The following SPAG16 variants were observed in gnomAD, a reference collection of about 807,000 sequenced individuals.
SPAG16 encodes sperm-associated antigen 16 protein.
A neutral mutation model predicts 80.4 loss-of-function variants in SPAG16; 86 were observed. The ratio of observed to expected loss-of-function variants is 1.07; its 90% CI spans 0.90 to 1.28. The LOEUF (loss-of-function observed/expected upper bound fraction) is 1.28, where lower values mean the gene tolerates loss of function less well. Among genes scored for constraint, SPAG16 ranks in the 50% most tolerant of loss-of-function variants. The pLI is 0.00. For synonymous variants in SPAG16, 294 were observed against 265.9 expected, an observed-to-expected ratio of 1.11 and a Z score of -1.03; for missense variants, 870 against 765.3, an observed-to-expected ratio of 1.14 and a Z score of -1.61.
intron 10 of SPAG16, among the ~76,000 whole-genome samples, chr2:213,538,824 T>TA (rs1413360049): frequency 9.5e-6 from 1 of 105,590 alleles, no homozygotes; most frequent in Non-Finnish European, 2.7e-5. Context: ...CGTATCTATT[T>TA]ATCTATTTAT....
At chr2:214,224,428 T>C (rs1386942262) in intron 15 of SPAG16, among the ~76,000 whole-genome samples, 1 of 152,202 alleles carries the variant, frequency 6.6e-6, no homozygotes, top group Non-Finnish European at 1.5e-5. Context: ...TTCTTCAGTA[T>C]GTGCAAATAC....
chr2:213,600,401 A>G (rs749890650), intron 10 of SPAG16, among the ~76,000 whole-genome samples: 2 of 152,228 alleles, frequency 1.3e-5, no homozygotes, highest in Admixed American at 6.5e-5. Context: ...GTTCAAAATC[A>G]TCAATTTTAG....
chr2:213,690,957 A>T (rs1057334104), intron 10 of SPAG16, among the ~76,000 whole-genome samples: 2 of 152,112 alleles, frequency 1.3e-5, no homozygotes, highest in African/African-American at 4.8e-5. Context: ...AGATACAGAT[A>T]TAGATATAGA....
At chr2:214,190,968 G>A (rs2057642902) in intron 15 of SPAG16, among the ~76,000 whole-genome samples, 2 of 152,146 alleles carry the variant, frequency 1.3e-5, no homozygotes, top group South Asian at 4.1e-4. Context: ...AAAGCTTGTA[G>A]CGACAGGTTT....
At chr2:214,385,456 G>A (rs1700696272) in intron 15 of SPAG16, among the ~76,000 whole-genome samples, 1 of 152,118 alleles carries the variant, frequency 6.6e-6, no homozygotes, top group South Asian at 2.1e-4. Context: ...CTACCACCAA[G>A]GCATTCTGAC....
At chr2:213,344,221 G>A (rs936530517) in intron 6 of SPAG16, among the ~76,000 whole-genome samples, 1 of 152,066 alleles carries the variant, frequency 6.6e-6, no homozygotes, top group Non-Finnish European at 1.5e-5. Context: ...GAAAAATTGA[G>A]GCTATTTATA....
At chr2:213,836,179 C>G (rs193299979) in intron 10 of SPAG16, among the ~76,000 whole-genome samples, 1 of 135,384 alleles carries the variant, frequency 7.4e-6, no homozygotes, top group Admixed American at 7.4e-5. Context: ...ATTATTCGCC[C>G]CCCCCCCCAT....
chr2:213,918,010 G>A (rs966785794), intron 11 of SPAG16, among the ~76,000 whole-genome samples: 1 of 152,078 alleles, frequency 6.6e-6, no homozygotes, highest in Admixed American at 6.6e-5. Context: ...AGACTTTTCT[G>A]CATCTATTGA....
At chr2:214,266,392 C>A (rs1691571321) in intron 15 of SPAG16, among the ~76,000 whole-genome samples, 1 of 151,758 alleles carries the variant, frequency 6.6e-6, no homozygotes, top group Non-Finnish European at 1.5e-5. Context: ...AATAGATAGA[C>A]TTTATTTTTG....
intron 10 of SPAG16, among the ~76,000 whole-genome samples, chr2:213,565,311 C>G (rs531853578): frequency 6.6e-6 from 1 of 152,276 alleles, no homozygotes; most frequent in Middle Eastern, 3.4e-3. Context: ...CTTCAGGGTT[C>G]TTATATTCCA....
intron 9 of SPAG16, among the ~76,000 whole-genome samples, chr2:213,449,991 T>A (rs1011773829): frequency 6.6e-6 from 1 of 152,188 alleles, no homozygotes; most frequent in Admixed American, 6.5e-5. Flanking sequence ...CTTTCCATAC[T>A]TAGTCTTTTT....
chr2:214,211,637 C>G (rs1426615469), intron 15 of SPAG16, among the ~76,000 whole-genome samples: 1 of 152,176 alleles, frequency 6.6e-6, no homozygotes, highest in Non-Finnish European at 1.5e-5. Context: ...AGCTCCCTGA[C>G]TAGAGAGGGG....
At chr2:213,632,925 A>G (rs897045486) in intron 10 of SPAG16, among the ~76,000 whole-genome samples, 2 of 152,210 alleles carry the variant, frequency 1.3e-5, no homozygotes, top group South Asian at 4.1e-4. Flanking sequence ...ATTCACCTGT[A>G]GTTTTCTTCT....
chr2:213,664,216 T>C (rs964685527), intron 10 of SPAG16, among the ~76,000 whole-genome samples: 1 of 152,084 alleles, frequency 6.6e-6, no homozygotes, highest in Non-Finnish European at 1.5e-5. Flanking sequence ...TATGATTACA[T>C]TGGGCCCAAT....
At chr2:213,369,043 A>G (rs1280102708) in intron 8 of SPAG16, among the ~76,000 whole-genome samples, 1 of 152,236 alleles carries the variant, frequency 6.6e-6, no homozygotes, top group Non-Finnish European at 1.5e-5. Context: ...CATAGGAAAT[A>G]CTGGAGGCTA....
chr2:214,274,324 A>G (rs1050050040), intron 15 of SPAG16, among the ~76,000 whole-genome samples: 3 of 152,160 alleles, frequency 2.0e-5, no homozygotes, highest in Non-Finnish European at 2.9e-5. Context: ...AGAACTTCCA[A>G]CACTGTGTTG....
intron 5 of SPAG16, among the ~76,000 whole-genome samples, chr2:213,330,372 C>A (rs1340946981): frequency 6.6e-6 from 1 of 152,220 alleles, no homozygotes; most frequent in African/African-American, 2.4e-5. Flanking sequence ...GAGCCTACCT[C>A]TTGTATCAGC....
intron 10 of SPAG16, among the ~76,000 whole-genome samples, chr2:213,824,366 TA>T (rs1378644867): frequency 2.0e-5 from 3 of 152,254 alleles, no homozygotes; most frequent in Non-Finnish European, 2.9e-5. Context: ...AGCAGTTTCA[TA>T]GTTTGAGGTC....
At chr2:213,323,652 G>T (rs1440586309) in intron 5 of SPAG16, among the ~76,000 whole-genome samples, 1 of 152,160 alleles carries the variant, frequency 6.6e-6, no homozygotes, top group Non-Finnish European at 1.5e-5. Context: ...TTGAAACCAG[G>T]ATCTGAGGCA....
Sources: allele counts gnomAD v4.1 joint callset (sites outside exome capture counted in the v4.1 genomes callset), GRCh38; gene constraint gnomAD v4.1.1; transcripts MANE v1.5; gene names NCBI Gene and HGNC (gene_info 2026-07-23, HGNC 2026-07-21).